Variants in NINL observed in about 807,000 individuals in gnomAD.
NINL encodes the protein ninein-like protein.
Under a neutral mutation model 160.3 loss-of-function variants are expected in NINL, and 153 were observed. The ratio of observed to expected loss-of-function variants is 0.95; its 90% CI spans 0.84 to 1.09. The LOEUF (loss-of-function observed/expected upper bound fraction) is 1.09, where lower values mean the gene tolerates loss of function less well. Ranked by LOEUF, NINL falls within the 50% of genes least tolerant of loss-of-function variation. NINL has a pLI of 0.00. For missense variants in NINL, 1,829 were observed against 1,764.0 expected (o/e 1.04, Z -0.66); for synonymous variants, 800 against 734.8 (o/e 1.09, Z -1.43).
At chr20:25,460,882 T>C (rs2146318281) in intron 21 of NINL, among the ~76,000 whole-genome samples, 1 of 152,268 alleles carries the variant, frequency 6.6e-6, no homozygotes, top group East Asian at 1.9e-4. Context: ...GCCCCGCACC[T>C]GTGTCCACAC....
intron 1 of NINL, among the ~76,000 whole-genome samples, chr20:25,548,181 C>G (rs2064758541): frequency 6.6e-6 from 1 of 152,206 alleles, no homozygotes; most frequent in Admixed American, 6.5e-5. Flanking sequence ...CGGGGGGGTT[C>G]TGCTGCACTC....
chr20:25,558,729 A>T (rs2064898149), intron 1 of NINL, among the ~76,000 whole-genome samples: 1 of 152,202 alleles, frequency 6.6e-6, no homozygotes, highest in African/African-American at 2.4e-5. Context: ...AAGGGACAAG[A>T]GGTCCTTGTT....
intron 1 of NINL, among the ~76,000 whole-genome samples, chr20:25,571,160 C>T (rs1156294024): frequency 6.6e-6 from 1 of 152,134 alleles, no homozygotes; most frequent in Non-Finnish European, 1.5e-5. Flanking sequence ...TGTCTTTACT[C>T]CTGTAAGAAC....
chr20:25,479,047 G>A lies in NINL; in HGVS notation c.2077C>T (p.Leu693=). 6.2e-7 allele frequency: 1 copy of A among 1,611,764 alleles called. No homozygotes were observed. The highest frequency in any genetic ancestry group is 8.5e-7 in the Non-Finnish European group (1 of 1,180,016). ...HEKSQEVIWG[L]QEQLQDTARG... ...GCTGTGTCCTGCAGCTGCTCCTGCA[G>A]GCCCCAGATGACCTCCTGAGACTTC... Residue 693 remains leucine (L), a synonymous_variant, in exon 16 of 24, where the codon CTG becomes TTG. Transcript: ENST00000278886.
chr20:25,463,844 C>G (rs2062848449), intron 19 of NINL, among the ~76,000 whole-genome samples: 1 of 152,178 alleles, frequency 6.6e-6, no homozygotes, highest in Non-Finnish European at 1.5e-5. Flanking sequence ...CATGCAATTC[C>G]TTGCAAATTA....
In NINL at chr20:25,474,180, C is replaced by T. The variant is rs529846838; in HGVS notation, c.3248+1863G>A. 1.4e-4 allele frequency among the ~76,000 whole-genome samples: 21 copies of T among 152,334 alleles called. No homozygotes were observed. The South Asian group carries it at 3.9e-3, about 29-fold the overall frequency. ...GGAGTAAGGTGACATGAGGAGGACT[C>T]GGCCATCCAGGGCTGGCTTCCAGGA... On this transcript the variant is annotated intron_variant, in intron 17 of 23. Coordinates refer to ENST00000278886, the MANE Select transcript of NINL (RefSeq NM_025176.6).
chr20:25,507,183 C>T (rs528129696), intron 5 of NINL, among the ~76,000 whole-genome samples: 1 of 152,292 alleles, frequency 6.6e-6, no homozygotes, highest in Admixed American at 6.5e-5. Context: ...ATCTAATGAG[C>T]TCCTCCATCC....
intron 1 of NINL, among the ~76,000 whole-genome samples, chr20:25,563,450 G>A (rs1486989084): frequency 1.3e-5 from 2 of 152,116 alleles, no homozygotes; most frequent in Non-Finnish European, 2.9e-5. Context: ...TTGATTAAAT[G>A]GAATACTGAG....
At chr20:25,560,099 C>A (rs2064916968) in intron 1 of NINL, among the ~76,000 whole-genome samples, 1 of 152,158 alleles carries the variant, frequency 6.6e-6, no homozygotes, top group Non-Finnish European at 1.5e-5. Flanking sequence ...CCATGTGTCA[C>A]AATACTCAGC....
chr20:25,539,852 C>T (rs2064631327), intron 1 of NINL, among the ~76,000 whole-genome samples: 1 of 152,228 alleles, frequency 6.6e-6, no homozygotes. Context: ...TCCACAGACC[C>T]ACGGGGCGGA....
At chr20:25,498,918 T>C in intron 8 of NINL, 2 of 985,442 alleles carry the variant, frequency 2.0e-6, no homozygotes, top group Non-Finnish European at 2.4e-6. Context: ...GGCATTTTAC[T>C]GAAACAACAA....
At chr20:25,465,702 G>C (rs1179835198) in intron 19 of NINL, among the ~76,000 whole-genome samples, 2 of 152,170 alleles carry the variant, frequency 1.3e-5, no homozygotes, top group African/African-American at 4.8e-5. Context: ...CTGACCCACA[G>C]GTGCCATGAA....
intron 16 of NINL, 110 bp from the exon 17 acceptor site, chr20:25,477,199 GCTTT>G (rs2063280194): frequency 1.8e-6 from 2 of 1,083,328 alleles, no homozygotes; most frequent in East Asian, 2.6e-5. Flanking sequence ...TCTGTGGTTG[GCTTT>G]CTTTATCCCT....
intron 1 of NINL, among the ~76,000 whole-genome samples, chr20:25,565,432 G>T (rs897984045): frequency 6.6e-6 from 1 of 152,102 alleles, no homozygotes; most frequent in African/African-American, 2.4e-5. Flanking sequence ...CAGGGAGGGA[G>T]GGAGGAAGAC....
rs139331804 is a variant in NINL at position 25,554,236 on chromosome 20, G to A, written c.-11-27638C>T. ...CACTCTGCGGAGCATGGGGTCAGGA[G>A]AAAGGTCTGTGTGCAGGGGACCCAT... On this transcript the variant is annotated intron_variant, in intron 1 of 23. Coordinates refer to ENST00000278886, the MANE Select transcript of NINL (RefSeq NM_025176.6). 2.0e-3 allele frequency among the ~76,000 whole-genome samples: 309 copies of A among 151,866 alleles called. 1 individual carries two copies. In the Middle Eastern group the frequency reaches 0.027, roughly 13 times the overall value.
rs1292756425 is a variant in NINL at position 25,510,799 on chromosome 20, C to T, written c.451-59G>A. The T allele has an allele frequency of 2.3e-6, 3 of 1,284,838 alleles. No individual in the cohort carries two copies. The African/African-American group carries it at 4.4e-5, about 19-fold the overall frequency. 79.6% of individuals were successfully genotyped at this position (1,284,838 alleles called of 1,614,324 possible). A position where few individuals can be genotyped will look rare whatever the true frequency, so the allele number is the denominator to read the frequency against. On this transcript the variant is annotated intron_variant, in intron 4 of 23. Transcript: ENST00000278886. ...CCAGGGGGTGCTGCTGGGGACGGAGCACCGGGAACAAATAGAGCAGGATGT... is the reference window on the plus strand; with the variant it reads ...CCAGGGGGTGCTGCTGGGGACGGAGTACCGGGAACAAATAGAGCAGGATGT...
At chr20:25,553,216 C>A (rs779322783) in intron 1 of NINL, among the ~76,000 whole-genome samples, 1 of 148,728 alleles carries the variant, frequency 6.7e-6, no homozygotes, top group Non-Finnish European at 1.5e-5. Context: ...GATCCTCCCA[C>A]CTCAGCTGCC....
chr20:25,458,296 T>C (rs2090742726), intron 22 of NINL, 87 bp downstream of exon 22: 2 of 1,525,702 alleles, frequency 1.3e-6, no homozygotes, highest in Non-Finnish European at 1.8e-6. Context: ...TTCACAGTTG[T>C]GCAGCTTCTG....
At chr20:25,498,977 G>GCTAA in intron 8 of NINL, 1 of 985,488 alleles carries the variant, frequency 1.0e-6, no homozygotes, top group Non-Finnish European at 1.2e-6. Flanking sequence ...GGGAGCGGCA[G>GCTAA]CTAACGTTCT....
Sources: gnomAD v4.1 joint callset for allele counts (sites outside exome capture counted in the v4.1 genomes callset) on GRCh38, gnomAD v4.1.1 for gene constraint, MANE v1.5 for transcripts, NCBI Gene and HGNC (gene_info 2026-07-23, HGNC 2026-07-21) for gene names.